Variants in COLEC12 observed in about 807,000 individuals in gnomAD.
The protein encoded by COLEC12 is collectin subfamily member 12, also known as collectin-12.
A neutral mutation model predicts 71.1 loss-of-function variants in COLEC12; 33 were observed. That is an observed-to-expected ratio of 0.46 (90% CI 0.35 to 0.62). COLEC12 has a LOEUF of 0.62. COLEC12 is among the 20% of genes least tolerant of loss of function. The probability of loss-of-function intolerance (pLI) is 0.00; values close to 1 mark genes in which losing one functional copy is unlikely to be tolerated. For missense variants in COLEC12, 765 were observed against 916.1 expected (o/e 0.84, Z 2.13); for synonymous variants, 350 against 353.0 (o/e 0.99, Z 0.10).
intron 2 of COLEC12, among the ~76,000 whole-genome samples, chr18:364,884 A>G (rs958964562): frequency 6.6e-6 from 1 of 152,138 alleles, no homozygotes; most frequent in Non-Finnish European, 1.5e-5. Flanking sequence ...AGATTTTAGG[A>G]AAGTGGGGAG....
At chr18:372,326 G>C (rs1391870836) in intron 2 of COLEC12, among the ~76,000 whole-genome samples, 1 of 152,184 alleles carries the variant, frequency 6.6e-6, no homozygotes, top group South Asian at 2.1e-4. Context: ...ACAAAGCTGG[G>C]AGCAGGCAAT....
At chr18:499,873 G>A (rs549275186) in intron 1 of COLEC12, among the ~76,000 whole-genome samples, 52 of 94,552 alleles carry the variant, frequency 5.5e-4, no homozygotes, top group African/African-American at 8.1e-4. Context: ...AACACCAGTG[G>A]GCACACCCCA....
chr18:457,802 A>G (rs1257774069), intron 2 of COLEC12, among the ~76,000 whole-genome samples: 1 of 152,192 alleles, frequency 6.6e-6, no homozygotes, highest in Non-Finnish European at 1.5e-5. Flanking sequence ...AGCCTCCTTC[A>G]TTGCGCATTT....
chr18:479,377 T>C (rs1377053431), intron 2 of COLEC12, among the ~76,000 whole-genome samples: 1 of 152,094 alleles, frequency 6.6e-6, no homozygotes, highest in Admixed American at 6.5e-5. Flanking sequence ...AAGTCATATG[T>C]TTTCCCAGAA....
chr18:479,434 C>T (rs1187865615), intron 2 of COLEC12, among the ~76,000 whole-genome samples: 1 of 152,050 alleles, frequency 6.6e-6, no homozygotes, highest in Admixed American at 6.6e-5. Flanking sequence ...TAAAGCAACG[C>T]GGGAGGCAGA....
chr18:345,835 T>C (rs1388746534), intron 5 of COLEC12, among the ~76,000 whole-genome samples: 1 of 152,250 alleles, frequency 6.6e-6, no homozygotes, highest in Non-Finnish European at 1.5e-5. Flanking sequence ...GCATTGAGTG[T>C]GGGCTGGACT....
chr18:447,327 GAT>G (rs1477983213), intron 2 of COLEC12, among the ~76,000 whole-genome samples: 3 of 152,186 alleles, frequency 2.0e-5, no homozygotes, highest in Non-Finnish European at 2.9e-5. Context: ...TCTTGAGCAG[GAT>G]ATGACTTCCT....
At chr18:414,427 C>T (rs1204007003) in intron 2 of COLEC12, among the ~76,000 whole-genome samples, 1 of 151,934 alleles carries the variant, frequency 6.6e-6, no homozygotes, top group Non-Finnish European at 1.5e-5. Flanking sequence ...GGTGAAACCT[C>T]GACTCTACTA....
intron 2 of COLEC12, among the ~76,000 whole-genome samples, chr18:469,249 AG>A (rs1917147287): frequency 6.6e-6 from 1 of 152,232 alleles, no homozygotes; most frequent in Non-Finnish European, 1.5e-5. Flanking sequence ...ACCAGACAGA[AG>A]GAAGAGAGGG....
At chr18:475,556 A>G (rs375157368) in intron 2 of COLEC12, among the ~76,000 whole-genome samples, 1 of 152,214 alleles carries the variant, frequency 6.6e-6, no homozygotes. Context: ...AAGTAGAGGC[A>G]TCCAAGTGTT....
chr18:427,359 G>A (rs1480220851), intron 2 of COLEC12, among the ~76,000 whole-genome samples: 1 of 152,198 alleles, frequency 6.6e-6, no homozygotes, highest in East Asian at 1.9e-4. Context: ...CAGCAAGCGA[G>A]GTGAGCGTCC....
At chr18:377,208 G>A (rs948204784) in intron 2 of COLEC12, among the ~76,000 whole-genome samples, 2 of 152,224 alleles carry the variant, frequency 1.3e-5, no homozygotes, top group African/African-American at 4.8e-5. Context: ...GGGCTGCCCT[G>A]TGCTGTGACT....
intron 2 of COLEC12, among the ~76,000 whole-genome samples, chr18:365,910 C>T (rs1914845509): frequency 6.6e-6 from 1 of 152,112 alleles, no homozygotes; most frequent in Non-Finnish European, 1.5e-5. Flanking sequence ...AGGAACTCCA[C>T]TCCTCTCTCC....
At chr18:339,699 C>G (rs1389677048) in intron 5 of COLEC12, among the ~76,000 whole-genome samples, 1 of 152,208 alleles carries the variant, frequency 6.6e-6, no homozygotes, top group Non-Finnish European at 1.5e-5. Context: ...CACAAAGGAG[C>G]TGGCACTCTC....
At chr18:476,978 AAAG>A (rs1417260875) in intron 2 of COLEC12, among the ~76,000 whole-genome samples, 21 of 152,190 alleles carry the variant, frequency 1.4e-4, no homozygotes, top group African/African-American at 4.8e-4. Flanking sequence ...TCAGAGGAGC[AAAG>A]AAGTGACAAA....
At chr18:351,510 A>C (rs956991168) in intron 3 of COLEC12, among the ~76,000 whole-genome samples, 1 of 152,140 alleles carries the variant, frequency 6.6e-6, no homozygotes, top group African/African-American at 2.4e-5. Context: ...TCTTCCTCTT[A>C]GCTCAGTGTG....
At chr18:389,292 C>T (rs764316478) in intron 2 of COLEC12, among the ~76,000 whole-genome samples, 19 of 144,736 alleles carry the variant, frequency 1.3e-4, no homozygotes, top group African/African-American at 3.1e-4. Context: ...CTTGCTCTGT[C>T]GCCCAGGCTG....
chr18:440,411 A>G (rs1916495749), intron 2 of COLEC12, among the ~76,000 whole-genome samples: 1 of 152,024 alleles, frequency 6.6e-6, no homozygotes, highest in Non-Finnish European at 1.5e-5. Context: ...ATACACAGGT[A>G]ACTATGTGAA....
At chr18:409,144 C>A (rs1293717674) in intron 2 of COLEC12, among the ~76,000 whole-genome samples, 1 of 152,166 alleles carries the variant, frequency 6.6e-6, no homozygotes, top group Non-Finnish European at 1.5e-5. Flanking sequence ...CCATGTACCA[C>A]ACTTATTATC....
Sources: allele counts gnomAD v4.1 joint callset (sites outside exome capture counted in the v4.1 genomes callset), GRCh38; gene constraint gnomAD v4.1.1; transcripts MANE v1.5; gene names NCBI Gene and HGNC (gene_info 2026-07-23, HGNC 2026-07-21).